The following ETV6 variants were observed in gnomAD, a reference collection of about 807,000 sequenced individuals.
ETV6 encodes ETS variant transcription factor 6.
A neutral mutation model predicts 51.1 loss-of-function variants in ETV6; 16 were observed. That is an observed-to-expected ratio of 0.31 (90% CI 0.21 to 0.48). ETV6 has a LOEUF of 0.48. ETV6 is among the 20% of genes least tolerant of loss of function. The probability of loss-of-function intolerance (pLI) is 0.99; values close to 1 mark genes in which losing one functional copy is unlikely to be tolerated. For missense variants in ETV6, 458 were observed against 594.8 expected, an observed-to-expected ratio of 0.77 and a Z score of 2.39; for synonymous variants, 240 against 224.1, an observed-to-expected ratio of 1.07 and a Z score of -0.64.
intron 2 of ETV6, among the ~76,000 whole-genome samples, chr12:11,794,436 G>A (rs999861530): frequency 1.3e-5 from 2 of 152,142 alleles, no homozygotes; most frequent in East Asian, 1.9e-4. Context: ...GGCGTTTGGC[G>A]CCTCTCTGCT....
intron 2 of ETV6, among the ~76,000 whole-genome samples, chr12:11,823,670 G>A (rs958602942): frequency 1.3e-5 from 2 of 152,120 alleles, no homozygotes; most frequent in African/African-American, 4.8e-5. Context: ...GTTTCACTAT[G>A]TTGGCCAGGC....
intron 2 of ETV6, among the ~76,000 whole-genome samples, chr12:11,823,471 T>C (rs1432100250): frequency 3.2e-5 from 3 of 94,718 alleles, no homozygotes; most frequent in East Asian, 4.4e-4. Context: ...CTTTTTTTCT[T>C]TTTTTTTTTT....
intron 4 of ETV6, among the ~76,000 whole-genome samples, chr12:11,861,803 C>T (rs1565556339): frequency 2.0e-5 from 3 of 152,232 alleles, no homozygotes. Flanking sequence ...TCTGCCTTAT[C>T]TCTGTGCCAC....
chr12:11,879,992 A>G (rs1248201846), intron 5 of ETV6, among the ~76,000 whole-genome samples: 1 of 151,630 alleles, frequency 6.6e-6, no homozygotes, highest in Non-Finnish European at 1.5e-5. Flanking sequence ...TAGAAATCTT[A>G]GAAACAAAAA....
At chr12:11,867,231 A>G (rs1271981118) in intron 4 of ETV6, among the ~76,000 whole-genome samples, 1 of 152,164 alleles carries the variant, frequency 6.6e-6, no homozygotes, top group Admixed American at 6.6e-5. Flanking sequence ...TTGAACTGAA[A>G]TTGCCCCTTT....
intron 3 of ETV6, among the ~76,000 whole-genome samples, chr12:11,841,472 A>G (rs765415294): frequency 2.0e-5 from 3 of 152,218 alleles, no homozygotes; most frequent in Non-Finnish European, 4.4e-5. Context: ...ATCACCAAGT[A>G]TATTTGGGTG....
At chr12:11,820,844 A>G (rs181824549) in intron 2 of ETV6, among the ~76,000 whole-genome samples, 8 of 152,296 alleles carry the variant, frequency 5.3e-5, no homozygotes, top group African/African-American at 1.7e-4. Flanking sequence ...CAGAGGAGTG[A>G]TGTGATTTGA....
intron 2 of ETV6, among the ~76,000 whole-genome samples, chr12:11,825,350 G>GT (rs1004875236): frequency 6.6e-6 from 1 of 152,136 alleles, no homozygotes; most frequent in Non-Finnish European, 1.5e-5. Context: ...GAAGAAACAA[G>GT]AAAGGTTTTA....
chr12:11,796,245 C>T (rs1186597620), intron 2 of ETV6, among the ~76,000 whole-genome samples: 3 of 152,130 alleles, frequency 2.0e-5, no homozygotes, highest in Non-Finnish European at 4.4e-5. Context: ...GAAAGTAGAT[C>T]GAGCTTTAGG....
chr12:11,875,953 A>G (rs1946975955), intron 5 of ETV6, among the ~76,000 whole-genome samples: 2 of 152,174 alleles, frequency 1.3e-5, no homozygotes, highest in African/African-American at 4.8e-5. Context: ...TTGGCCCTTT[A>G]CAGAAAACGT....
intron 1 of ETV6, among the ~76,000 whole-genome samples, chr12:11,706,895 A>G (rs1036790413): frequency 1.3e-5 from 2 of 152,196 alleles, no homozygotes; most frequent in African/African-American, 2.4e-5. Flanking sequence ...AAAGCCCTCT[A>G]CTTCACAGCG....
intron 1 of ETV6, 29 bp downstream of exon 1, chr12:11,650,189 G>A (rs1467015635): frequency 1.2e-6 from 2 of 1,605,452 alleles, no homozygotes; most frequent in East Asian, 4.5e-5. Flanking sequence ...CCTTCTACGT[G>A]GTGGAAACCC....
At chr12:11,789,181 A>C (rs577806256) in intron 2 of ETV6, among the ~76,000 whole-genome samples, 26 of 151,992 alleles carry the variant, frequency 1.7e-4, no homozygotes, top group African/African-American at 4.6e-4. Flanking sequence ...TACAGGCGCC[A>C]GCCACCATGC....
intron 4 of ETV6, among the ~76,000 whole-genome samples, chr12:11,862,277 C>T (rs1369819720): frequency 1.3e-5 from 2 of 152,146 alleles, no homozygotes; most frequent in Non-Finnish European, 2.9e-5. Context: ...AGTTCGGTGA[C>T]ATTGGCACAT....
chr12:11,881,637 A>C (rs932386669), intron 5 of ETV6, among the ~76,000 whole-genome samples: 7 of 152,246 alleles, frequency 4.6e-5, no homozygotes, highest in African/African-American at 1.7e-4. Context: ...TGGGGCCCCC[A>C]AGACCTAATC....
At chr12:11,756,699 C>T (rs960012247) in intron 2 of ETV6, among the ~76,000 whole-genome samples, 1 of 152,076 alleles carries the variant, frequency 6.6e-6, no homozygotes, top group Non-Finnish European at 1.5e-5. Context: ...ACCCAAAGGC[C>T]GCCCTTTTTC....
chr12:11,779,052 C>T (rs973411854), intron 2 of ETV6, among the ~76,000 whole-genome samples: 1 of 152,230 alleles, frequency 6.6e-6, no homozygotes, highest in Admixed American at 6.5e-5. Context: ...CTGAATACTT[C>T]AGAGCCAGAT....
At chr12:11,767,764 A>G (rs186718153) in intron 2 of ETV6, among the ~76,000 whole-genome samples, 3 of 152,354 alleles carry the variant, frequency 2.0e-5, no homozygotes, top group Admixed American at 2.0e-4. Flanking sequence ...TAGGGAAGAA[A>G]TATTCATTGT....
chr12:11,881,673 A>C (rs912388183), intron 5 of ETV6, among the ~76,000 whole-genome samples: 10 of 152,228 alleles, frequency 6.6e-5, no homozygotes, highest in Admixed American at 2.0e-4. Context: ...CTTGGTAGTT[A>C]GTTAGGATTT....
Sources: allele counts gnomAD v4.1 joint callset (sites outside exome capture counted in the v4.1 genomes callset), GRCh38; gene constraint gnomAD v4.1.1; transcripts MANE v1.5; gene names NCBI Gene and HGNC (gene_info 2026-07-23, HGNC 2026-07-21).